The following WNT9B variants were observed in gnomAD, a reference collection of about 807,000 sequenced individuals.
WNT9B encodes protein Wnt-9b.
WNT9B carries 12 observed loss-of-function variants against 30.2 expected under a neutral mutation model. That is an observed-to-expected ratio of 0.40 (90% CI 0.26 to 0.64). The LOEUF (loss-of-function observed/expected upper bound fraction) is 0.64. Among genes scored for constraint, WNT9B ranks in the 30% least tolerant of loss-of-function variants. The pLI is 0.42. For missense variants in WNT9B, 442 were observed against 485.2 expected (o/e 0.91, Z 0.84); for synonymous variants, 218 against 216.9 (o/e 1.01, Z -0.05).
At position 46,858,001 on chromosome 17, in the gene WNT9B, C is replaced by T. The variant is rs1157906489; in HGVS notation, c.77+6286C>T. The stretch of plus-strand genomic sequence containing the variant: ...CTGGAGTACAATGGCATGATCTTGG[C>T]TAACTGCAACCTCCACCTCCTGGAT... On this transcript the variant is annotated intron_variant, in intron 1 of 3. Transcript: ENST00000290015. Among the ~76,000 whole-genome samples the T allele has an allele frequency of 2.6e-5, 4 of 152,272 alleles. No homozygotes were observed. In the East Asian group the frequency reaches 7.7e-4, roughly 29 times the overall value.
At chr17:46,885,648 A>C (rs1446293528) in exon 5 of WNT9B, 3 of 152,194 alleles carry the variant, frequency 2.0e-5, no homozygotes, top group Non-Finnish European at 2.9e-5. Flanking sequence ...ATCTGTCAAT[A>C]TTGGCATCTT....
chr17:46,865,137 G>C (rs1421700776), intron 1 of WNT9B, among the ~76,000 whole-genome samples: 1 of 152,186 alleles, frequency 6.6e-6, no homozygotes, highest in Non-Finnish European at 1.5e-5. Context: ...GCTTCAGCCC[G>C]AGCCTGAGTG....
Position 46,872,655 on chromosome 17 carries a change from C to G in WNT9B, c.216C>G (p.Pro72=). ...AGAAGCAGCTCTGCCGGAGGGAGCC[C>G]GGCCTGGCTGAGACCCTGAGGGATG... ...RRQKQLCRRE[P]GLAETLRDAA... The change falls in exon 2 of 4, where the codon CCC becomes CCG. Residue 72 remains proline, a synonymous_variant. Coordinates refer to ENST00000290015, the MANE Select transcript of WNT9B (RefSeq NM_003396.3). The G allele has an allele frequency of 2.5e-6, 4 of 1,613,662 alleles. No homozygotes were observed.
upstream of WNT9B, among the ~76,000 whole-genome samples, chr17:46,846,778 G>C (rs572375507): frequency 6.6e-6 from 1 of 152,250 alleles, no homozygotes; most frequent in African/African-American, 2.4e-5. Flanking sequence ...AGAGTTCTGT[G>C]AGGAAGAAGA....
At chr17:46,884,802 C>T (rs960766051), downstream of WNT9B, among the ~76,000 whole-genome samples, 8 of 152,100 alleles carry the variant, frequency 5.3e-5, no homozygotes, top group African/African-American at 1.4e-4. Context: ...CCAGTGAAGG[C>T]GACAGCTGGA....
chr17:46,857,498 A>G (rs1045649160), intron 1 of WNT9B, among the ~76,000 whole-genome samples: 1 of 145,844 alleles, frequency 6.9e-6, no homozygotes, highest in Non-Finnish European at 1.5e-5. Context: ...AAAAAAAAAG[A>G]TATTTGGGTT....
chr17:46,839,928 CTTT>C (rs2084681156), intron 1 of WNT9B, among the ~76,000 whole-genome samples: 1 of 125,750 alleles, frequency 8.0e-6, no homozygotes, highest in African/African-American at 3.0e-5. Flanking sequence ...TTCTTTCTTT[CTTT>C]CTTTCTTTCT....
chr17:46,878,751 C>T lies in WNT9B; in HGVS notation c.*2033C>T, dbSNP rs1272574131. Among the ~76,000 whole-genome samples the T allele has an allele frequency of 6.6e-6, 1 of 152,204 alleles. No individual in the cohort carries two copies. The highest frequency in any genetic ancestry group is 1.5e-5 in the Non-Finnish European group (1 of 68,036). On this transcript the variant is annotated 3_prime_UTR_variant, in exon 4 of 4. Transcript: ENST00000290015. Reference sequence around the variant, plus strand: ...AACGTGGAGGCCAGAGCACCCTGATCCACCAACATGCCACCTGCATTCTGA... The same window carrying T: ...AACGTGGAGGCCAGAGCACCCTGATTCACCAACATGCCACCTGCATTCTGA...
upstream of WNT9B, among the ~76,000 whole-genome samples, chr17:46,850,042 G>T (rs2084822959): frequency 6.6e-6 from 1 of 152,130 alleles, no homozygotes; most frequent in African/African-American, 2.4e-5. Context: ...GAGAGACAGG[G>T]TTTTGCCATG....
chr17:46,878,640 C>T lies in WNT9B; in HGVS notation c.*1922C>T, dbSNP rs555426948. ...GCCTTCCCAATCCATCTTGCTCCTCCGAGACCCCAACTCTGCCTCCACCCA... is the reference window on the plus strand; with the variant it reads ...GCCTTCCCAATCCATCTTGCTCCTCTGAGACCCCAACTCTGCCTCCACCCA... On this transcript the variant is annotated 3_prime_UTR_variant, in exon 4 of 4. Transcript: ENST00000290015. Among the ~76,000 whole-genome samples the T allele has an allele frequency of 2.0e-5, 3 of 152,296 alleles. No individual in the cohort carries two copies. Among genetic ancestry groups the T allele is most frequent in the East Asian group, 1.9e-4 (1 of 5,188 alleles).
At chr17:46,849,699 A>C (rs1420771189), upstream of WNT9B, among the ~76,000 whole-genome samples, 2 of 152,198 alleles carry the variant, frequency 1.3e-5, no homozygotes, top group Non-Finnish European at 2.9e-5. Flanking sequence ...TGATGGGAAT[A>C]TTTAAGGCAC....
chr17:46,846,990 A>C (rs2084783410), upstream of WNT9B, among the ~76,000 whole-genome samples: 4 of 152,234 alleles, frequency 2.6e-5, no homozygotes, highest in South Asian at 6.2e-4. Flanking sequence ...GCAAATGCTT[A>C]AAGTTCCACC....
intron 1 of WNT9B, among the ~76,000 whole-genome samples, chr17:46,870,904 C>CTT (rs144277402): frequency 0.028 from 2,197 of 78,318 alleles, 115 homozygotes; most frequent in East Asian, 0.26. Context: ...TCCACCTTTG[C>CTT]TTTTTTTTTT....
At chr17:46,866,561 C>A (rs1313136236) in intron 1 of WNT9B, among the ~76,000 whole-genome samples, 1 of 152,040 alleles carries the variant, frequency 6.6e-6, no homozygotes, top group Admixed American at 6.6e-5. Context: ...GGCGCACTCA[C>A]CATGCAAATG....
At chr17:46,850,730 A>C (rs1363231061), upstream of WNT9B, among the ~76,000 whole-genome samples, 3 of 152,184 alleles carry the variant, frequency 2.0e-5, no homozygotes, top group Admixed American at 2.0e-4. Flanking sequence ...AATTGGGGTT[A>C]AACTTTAAAA....
At chr17:46,835,312 C>T (rs1042327851) in intron 1 of WNT9B, among the ~76,000 whole-genome samples, 31 of 152,074 alleles carry the variant, frequency 2.0e-4, no homozygotes, top group Non-Finnish European at 3.8e-4. Flanking sequence ...CCCGGGTTCA[C>T]GCCATTCTCC....
At chr17:46,861,163 C>T (rs962488868) in intron 1 of WNT9B, among the ~76,000 whole-genome samples, 8 of 152,248 alleles carry the variant, frequency 5.3e-5, no homozygotes, top group African/African-American at 1.9e-4. Flanking sequence ...CTCTGAGCCC[C>T]GACCCTGTGG....
At chr17:46,885,042 G>A, downstream of WNT9B, 1 of 440,226 alleles carries the variant, frequency 2.3e-6, no homozygotes, top group Non-Finnish European at 4.5e-6. Context: ...AGGTTGGAGT[G>A]CAGTGGCAAG....
chr17:46,868,780 G>A (rs1000818269), intron 1 of WNT9B, among the ~76,000 whole-genome samples: 5 of 152,170 alleles, frequency 3.3e-5, no homozygotes, highest in Non-Finnish European at 7.3e-5. Flanking sequence ...GGGCTGGGAT[G>A]CCAAACAGTA....
Sources: gnomAD v4.1 joint callset for allele counts (sites outside exome capture counted in the v4.1 genomes callset) on GRCh38, gnomAD v4.1.1 for gene constraint, MANE v1.5 for transcripts, NCBI Gene and HGNC (gene_info 2026-07-23, HGNC 2026-07-21) for gene names.